NELL1: variants seen among roughly 807,000 people sequenced by gnomAD.
NELL1 encodes protein kinase C-binding protein NELL1.
In NELL1, 76 loss-of-function variants were observed where a neutral mutation model predicts 107.4. That is an observed-to-expected ratio of 0.71 (90% CI 0.59 to 0.86). The LOEUF (loss-of-function observed/expected upper bound fraction) is 0.86, where lower values mean the gene tolerates loss of function less well. Among genes scored for constraint, NELL1 ranks in the 40% least tolerant of loss-of-function variants. The probability of loss-of-function intolerance (pLI) is 0.00; values close to 1 mark genes in which losing one functional copy is unlikely to be tolerated. For missense variants in NELL1, 1,024 were observed against 1,005.5 expected (o/e 1.02, Z -0.25); for synonymous variants, 353 against 341.2 (o/e 1.03, Z -0.38).
intron 13 of NELL1, among the ~76,000 whole-genome samples, chr11:21,186,811 T>C (rs1222986842): frequency 6.6e-6 from 1 of 151,890 alleles, no homozygotes; most frequent in Non-Finnish European, 1.5e-5. Flanking sequence ...GATTGTTTGA[T>C]ACCATGTAGG....
chr11:21,467,904 A>G (rs775065955), intron 15 of NELL1, among the ~76,000 whole-genome samples: 6 of 151,966 alleles, frequency 3.9e-5, no homozygotes, highest in East Asian at 1.9e-4. Flanking sequence ...AACCTACTCT[A>G]TTTTTCTCTA....
chr11:21,422,377 T>C (rs1333378587), intron 15 of NELL1, among the ~76,000 whole-genome samples: 2 of 152,142 alleles, frequency 1.3e-5, no homozygotes. Flanking sequence ...TTTACATGAT[T>C]TAAGAGACTA....
intron 14 of NELL1, among the ~76,000 whole-genome samples, chr11:21,279,167 C>T (rs989727526): frequency 3.9e-5 from 6 of 152,012 alleles, no homozygotes; most frequent in Middle Eastern, 3.2e-3. Flanking sequence ...ATGAAAAACT[C>T]GAACTCCTAG....
intron 14 of NELL1, among the ~76,000 whole-genome samples, chr11:21,314,892 T>C (rs981399027): frequency 2.6e-5 from 4 of 151,886 alleles, no homozygotes; most frequent in African/African-American, 9.7e-5. Context: ...AATCTCACTC[T>C]GACGCCCAGG....
chr11:20,781,132 A>G (rs952266962), intron 2 of NELL1, among the ~76,000 whole-genome samples: 6 of 152,194 alleles, frequency 3.9e-5, no homozygotes, highest in African/African-American at 1.4e-4. Context: ...CTTGGGCAAG[A>G]GTTTTAAGAG....
intron 15 of NELL1, among the ~76,000 whole-genome samples, chr11:21,491,156 AC>A (rs1236133684): frequency 3.3e-5 from 5 of 152,028 alleles, no homozygotes; most frequent in Non-Finnish European, 5.9e-5. Context: ...TTGCCTGTTC[AC>A]TCTGATGGTA....
chr11:21,240,833 G>A (rs979729612), intron 14 of NELL1, among the ~76,000 whole-genome samples: 3 of 151,618 alleles, frequency 2.0e-5, no homozygotes, highest in Non-Finnish European at 4.4e-5. Context: ...CAAAGTCAGC[G>A]CTTACCTTTT....
At chr11:21,112,042 G>C (rs574903164) in intron 12 of NELL1, among the ~76,000 whole-genome samples, 4 of 151,932 alleles carry the variant, frequency 2.6e-5, no homozygotes, top group Non-Finnish European at 4.4e-5. Flanking sequence ...TGGTCTGACT[G>C]TAATAATTCC....
At chr11:20,751,365 A>T (rs1268563838) in intron 2 of NELL1, among the ~76,000 whole-genome samples, 1 of 152,230 alleles carries the variant, frequency 6.6e-6, no homozygotes, top group Non-Finnish European at 1.5e-5. Flanking sequence ...TGAGTTTTCC[A>T]TGACTCAATC....
At chr11:21,505,243 C>G (rs549028163) in intron 15 of NELL1, among the ~76,000 whole-genome samples, 112 of 152,284 alleles carry the variant, frequency 7.4e-4, no homozygotes, top group African/African-American at 2.6e-3. Flanking sequence ...CTTATCTATG[C>G]AGTAATCCTA....
At chr11:20,722,119 C>A (rs1855405508) in intron 2 of NELL1, among the ~76,000 whole-genome samples, 1 of 150,994 alleles carries the variant, frequency 6.6e-6, no homozygotes, top group Non-Finnish European at 1.5e-5. Context: ...CTCCCAGGTT[C>A]AAGTGATCCT....
chr11:21,060,022 T>C lies in NELL1; in HGVS notation c.1301-53567T>C, dbSNP rs77989494. ...CTGCCTGGACCCAGCACACTAGCCA[T>C]AGTAGCGTGCCTTATGCTAATGAAC... On this transcript the variant is annotated intron_variant, in intron 12 of 19. Coordinates refer to ENST00000357134, the MANE Select transcript of NELL1 (RefSeq NM_006157.5). Among the ~76,000 whole-genome samples, 591 of 152,274 alleles carry C rather than the reference T, an allele frequency of 3.9e-3. 2 individuals are homozygous for C. The highest frequency in any genetic ancestry group is 0.014 in the African/African-American group (575 of 41,554).
chr11:20,806,301 C>G (rs1857384191), intron 3 of NELL1, among the ~76,000 whole-genome samples: 1 of 150,084 alleles, frequency 6.7e-6, no homozygotes, highest in African/African-American at 2.5e-5. Context: ...TTTGTGTTTG[C>G]CAGATATACT....
intron 15 of NELL1, among the ~76,000 whole-genome samples, chr11:21,422,123 G>A (rs1852692783): frequency 7.1e-6 from 1 of 141,756 alleles, no homozygotes; most frequent in Admixed American, 7.1e-5. Flanking sequence ...GTGTGTGTGT[G>A]TACACACGCA....
chr11:21,082,829 G>A (rs1019492148), intron 12 of NELL1, among the ~76,000 whole-genome samples: 5 of 152,096 alleles, frequency 3.3e-5, no homozygotes, highest in African/African-American at 7.2e-5. Flanking sequence ...CCTACCCAAC[G>A]TCTGCATTTA....
chr11:21,342,727 A>G (rs1330605255), intron 14 of NELL1, among the ~76,000 whole-genome samples: 1 of 134,954 alleles, frequency 7.4e-6, no homozygotes, highest in Non-Finnish European at 1.6e-5. Flanking sequence ...GAGAGAGAGA[A>G]AGAGAAAGAA....
chr11:21,385,932 A>G (rs560809860), intron 15 of NELL1, among the ~76,000 whole-genome samples: 1 of 151,846 alleles, frequency 6.6e-6, no homozygotes, highest in South Asian at 2.1e-4. Flanking sequence ...CCTTCCCATA[A>G]TATCCAGTCC....
At chr11:21,108,148 T>G (rs1015766872) in intron 12 of NELL1, among the ~76,000 whole-genome samples, 1 of 152,166 alleles carries the variant, frequency 6.6e-6, no homozygotes, top group African/African-American at 2.4e-5. Context: ...TTTCCCCTCC[T>G]AAGTATATCC....
chr11:20,829,223 ATTTTTTT>A (rs758970966), intron 3 of NELL1, among the ~76,000 whole-genome samples: 4 of 118,900 alleles, frequency 3.4e-5, no homozygotes, highest in Non-Finnish European at 3.5e-5. Context: ...CTGCAGGACT[ATTTTTTT>A]TTTTTTTTTT....
Sources: allele counts gnomAD v4.1 joint callset (sites outside exome capture counted in the v4.1 genomes callset), GRCh38; gene constraint gnomAD v4.1.1; transcripts MANE v1.5; gene names NCBI Gene and HGNC (gene_info 2026-07-23, HGNC 2026-07-21).